The following BRD10 variants were observed in gnomAD, a reference collection of about 807,000 sequenced individuals.
BRD10 encodes the protein bromodomain containing 10.
At chr9:5,919,870 A>C in the BRD10 span, 1 of 1,613,838 alleles carries the variant, frequency 6.2e-7, no homozygotes, top group African/African-American at 1.3e-5. Context: ...ATTTTTTGAC[A>C]GGTGGGTCCA....
the BRD10 span, chr9:5,921,901 C>T: frequency 6.2e-7 from 1 of 1,613,924 alleles, no homozygotes. Context: ...GATTTTTCCC[C>T]ATGGATGGGG....
the BRD10 span, chr9:5,920,684 G>C: frequency 6.2e-7 from 1 of 1,613,970 alleles, no homozygotes; most frequent in Non-Finnish European, 8.5e-7. Flanking sequence ...AGAACGTGTG[G>C]CTCCTGGTAC....
chr9:5,985,294 A>G, the BRD10 span, among the ~76,000 whole-genome samples: 1 of 152,212 alleles, frequency 6.6e-6, no homozygotes, highest in Non-Finnish European at 1.5e-5. Context: ...CCAAAACTTA[A>G]AAAATTCTAG....
At chr9:5,992,276 T>C in the BRD10 span, among the ~76,000 whole-genome samples, 1 of 152,316 alleles carries the variant, frequency 6.6e-6, no homozygotes, top group African/African-American at 2.4e-5. Context: ...TATATCTATA[T>C]GCGCATAGAA....
At chr9:5,956,816 G>C in the BRD10 span, among the ~76,000 whole-genome samples, 1 of 151,980 alleles carries the variant, frequency 6.6e-6, no homozygotes, top group Admixed American at 6.6e-5. Context: ...CTGTTCTTAT[G>C]TTTGTCATCC....
chr9:5,897,535 A>G, the BRD10 span: 1 of 1,598,628 alleles, frequency 6.3e-7, no homozygotes, highest in Admixed American at 1.7e-5. Context: ...GACAAAGTGG[A>G]TTTGTCTATC....
chr9:5,885,447 T>C, the BRD10 span, among the ~76,000 whole-genome samples: 2 of 151,912 alleles, frequency 1.3e-5, no homozygotes, highest in Non-Finnish European at 2.9e-5. Flanking sequence ...CTCAGCTCAC[T>C]GCAACCTCCA....
the BRD10 span, among the ~76,000 whole-genome samples, chr9:5,894,996 G>T: frequency 3.9e-5 from 6 of 152,328 alleles, no homozygotes; most frequent in East Asian, 1.2e-3. The surrounding 1 kb of genome is among the most constrained non-coding windows in gnomAD (Gnocchi z 4.0). Flanking sequence ...CATAAGCAGG[G>T]TCAGGTGGGT....
chr9:5,988,809 T>C, the BRD10 span, among the ~76,000 whole-genome samples: 37 of 152,264 alleles, frequency 2.4e-4, no homozygotes, highest in African/African-American at 8.9e-4. Context: ...GCACTATCTC[T>C]TTAATAGAAA....
At chr9:5,965,191 T>C in the BRD10 span, among the ~76,000 whole-genome samples, 2 of 152,004 alleles carry the variant, frequency 1.3e-5, no homozygotes, top group African/African-American at 2.4e-5. Context: ...ATGTAGAACT[T>C]AGTCCACCCT....
the BRD10 span, among the ~76,000 whole-genome samples, chr9:5,973,722 C>G: frequency 3.3e-5 from 5 of 151,830 alleles, no homozygotes; most frequent in African/African-American, 1.2e-4. Flanking sequence ...GATTTCATCT[C>G]TTAAAAAAAA....
the BRD10 span, among the ~76,000 whole-genome samples, chr9:5,981,919 T>G: frequency 3.9e-5 from 6 of 152,122 alleles, no homozygotes; most frequent in Admixed American, 6.6e-5. Flanking sequence ...GACCATACTT[T>G]GGGTAAAGTG....
At chr9:5,881,124 C>G in the BRD10 span, among the ~76,000 whole-genome samples, 2 of 152,286 alleles carry the variant, frequency 1.3e-5, no homozygotes, top group South Asian at 2.1e-4. Flanking sequence ...ACACACAATC[C>G]TTCCCCCACC....
the BRD10 span, among the ~76,000 whole-genome samples, chr9:5,928,479 C>A: frequency 6.6e-6 from 1 of 152,192 alleles, no homozygotes; most frequent in Non-Finnish European, 1.5e-5. Flanking sequence ...CATGATCTGG[C>A]TTCCTTCCTC....
chr9:5,897,620 T>A, the BRD10 span: 8 of 1,614,022 alleles, frequency 5.0e-6, 1 homozygote, highest in Admixed American at 1.3e-4. Flanking sequence ...GCTGTTGGTA[T>A]TGTAGAAGAC....
the BRD10 span, chr9:5,921,108 T>G: frequency 1.9e-6 from 3 of 1,613,886 alleles, no homozygotes; most frequent in Non-Finnish European, 2.5e-6. Context: ...CTCACAAAAT[T>G]TGAGCTTACT....
chr9:5,966,328 T>G, the BRD10 span, among the ~76,000 whole-genome samples: 46 of 152,194 alleles, frequency 3.0e-4, no homozygotes, highest in Non-Finnish European at 3.8e-4. Flanking sequence ...TTTGAGCATA[T>G]GAACAGAAGT....
At chr9:6,007,158 C>T in the BRD10 span, 1 of 1,586,326 alleles carries the variant, frequency 6.3e-7, no homozygotes, top group Non-Finnish European at 8.6e-7. Flanking sequence ...GTGTTTGTGT[C>T]AGTCTGTCAG....
At chr9:5,920,648 C>G in the BRD10 span, 28 of 1,613,766 alleles carry the variant, frequency 1.7e-5, no homozygotes, top group East Asian at 2.2e-5. Context: ...GAGTGAAGTC[C>G]GAGATTGTCT....
Sources: allele counts gnomAD v4.1 joint callset (sites outside exome capture counted in the v4.1 genomes callset), GRCh38; gene constraint gnomAD v4.1.1; non-coding constraint Gnocchi (gnomAD v3.1); transcripts MANE v1.5; gene names NCBI Gene and HGNC (gene_info 2026-07-23, HGNC 2026-07-21).